The following PANK1 variants were observed in gnomAD, a reference collection of about 807,000 sequenced individuals.
PANK1 encodes pantothenate kinase 1.
A neutral mutation model predicts 40.1 loss-of-function variants in PANK1; 18 were observed. That is an observed-to-expected ratio of 0.45 (90% CI 0.31 to 0.67). The LOEUF is 0.67. Among genes scored for constraint, PANK1 ranks in the 30% least tolerant of loss-of-function variants. The pLI is 0.06. For synonymous variants in PANK1, 242 were observed against 237.7 expected (o/e 1.02, Z -0.17); for missense variants, 457 against 599.6 (o/e 0.76, Z 2.48).
chr10:89,636,632 T>C (rs1024572338), intron 1 of PANK1, among the ~76,000 whole-genome samples: 1 of 151,494 alleles, frequency 6.6e-6, no homozygotes, highest in Non-Finnish European at 1.5e-5. Flanking sequence ...TTTGTATTTT[T>C]AGTAGAGACG....
downstream of PANK1, chr10:89,582,264 G>T (rs1461805711): frequency 1.3e-5 from 2 of 152,118 alleles, no homozygotes; most frequent in Admixed American, 6.5e-5. Context: ...AAATTCTTTA[G>T]TCTTCCCAGT....
At chr10:89,590,386 T>C (rs1482909240) in intron 5 of PANK1, among the ~76,000 whole-genome samples, 2 of 151,344 alleles carry the variant, frequency 1.3e-5, no homozygotes, top group African/African-American at 2.5e-5. Context: ...ACCTATTACA[T>C]TGAAAAAAAT....
intron 1 of PANK1, chr10:89,643,886 T>C (rs1842034108): frequency 7.0e-7 from 1 of 1,424,954 alleles, no homozygotes; most frequent in Non-Finnish European, 9.2e-7. Flanking sequence ...AATAATGCAC[T>C]TCGGCTTTCT....
intron 1 of PANK1, among the ~76,000 whole-genome samples, chr10:89,641,908 A>C (rs1452641659): frequency 1.3e-5 from 2 of 152,220 alleles, no homozygotes; most frequent in Non-Finnish European, 2.9e-5. Context: ...CTGAAGGTAC[A>C]GGAAACAGCA....
At chr10:89,594,113 A>G in intron 3 of PANK1, 124 bp from the exon 4 acceptor site, 1 of 663,034 alleles carries the variant, frequency 1.5e-6, no homozygotes, top group South Asian at 1.9e-5. Flanking sequence ...CACTTGAATT[A>G]AAGTGCTAGG....
chr10:89,601,431 T>G lies in PANK1; in HGVS notation c.646-1926A>C, dbSNP rs953937157. On this transcript the variant is annotated intron_variant, in intron 2 of 6. Transcript: ENST00000307534. The stretch of plus-strand genomic sequence containing the variant: ...GGGAAGTCAAGGCTGCAGCGAGCCA[T>G]GGTCGTGTCACTGCACTCCAGCCTG... Among the ~76,000 whole-genome samples, 6 of 150,990 alleles carry G rather than the reference T, an allele frequency of 4.0e-5. No individual in the cohort carries two copies. In the South Asian group the frequency reaches 1.3e-3, roughly 32 times the overall value.
At chr10:89,634,231 G>A (rs895114417) in intron 1 of PANK1, among the ~76,000 whole-genome samples, 5 of 152,170 alleles carry the variant, frequency 3.3e-5, no homozygotes, top group Admixed American at 1.3e-4. Context: ...TGAAGTCAAC[G>A]AATCTATTGC....
intron 2 of PANK1, among the ~76,000 whole-genome samples, chr10:89,610,376 G>T (rs1845115589): frequency 1.3e-5 from 2 of 152,136 alleles, no homozygotes; most frequent in South Asian, 4.1e-4. Context: ...TTGATCATGA[G>T]CCTCTTTGGT....
In PANK1 at chr10:89,645,098, G is replaced by A. The variant is rs751152624; in HGVS notation, c.-207C>T. ...TCTGCGCCCTGCCCCCCGCGCGCCG[G>A]CCCCACGGCGCCGGCCTGGAGCACG... is the stretch of plus-strand genomic sequence containing the variant. On this transcript the variant is annotated 5_prime_UTR_variant, in exon 1 of 7. Transcript: ENST00000307534. 1 of 1,468,318 alleles carries A rather than the reference G, an allele frequency of 6.8e-7. No individual in the cohort carries two copies. Among genetic ancestry groups the A allele is most frequent in the Non-Finnish European group, 9.0e-7 (1 of 1,116,954 alleles). The allele number at this position is 1,468,318 out of a possible 1,614,324, so 91.0% of individuals were successfully genotyped here.
intron 2 of PANK1, among the ~76,000 whole-genome samples, chr10:89,606,030 T>G (rs928459224): frequency 6.6e-6 from 1 of 152,218 alleles, no homozygotes; most frequent in Non-Finnish European, 1.5e-5. Flanking sequence ...AAGATTTTTT[T>G]TTCTGAGCAG....
intron 1 of PANK1, among the ~76,000 whole-genome samples, chr10:89,627,576 G>T (rs977917767): frequency 6.6e-6 from 1 of 152,198 alleles, no homozygotes; most frequent in South Asian, 2.1e-4. Flanking sequence ...TAAACAGTCA[G>T]GATGCGGCAA....
intron 1 of PANK1, among the ~76,000 whole-genome samples, chr10:89,627,759 G>GGTAGCTCTATGTA (rs1841517787): frequency 1.3e-5 from 2 of 151,990 alleles, no homozygotes; most frequent in Admixed American, 6.6e-5. Flanking sequence ...CTCTATGTAG[G>GGTAGCTCTATGTA]GCACCCTCCT....
chr10:89,635,380 C>A (rs1841773357), intron 1 of PANK1, among the ~76,000 whole-genome samples: 1 of 152,132 alleles, frequency 6.6e-6, no homozygotes, highest in Non-Finnish European at 1.5e-5. Flanking sequence ...GGCAAAAGAG[C>A]ATGTGTGCAC....
rs767329672 is a variant in PANK1, at chr10:89,644,923, C to G, written c.-32G>C. 1.3e-6 allele frequency: 2 copies of G among 1,550,314 alleles called. No individual in the cohort carries two copies. The highest frequency in any genetic ancestry group is 1.9e-5 in the Admixed American group (1 of 51,792). ...GGCTGGCGGGGCTGTGCGCGGGCCC[C>G]GGCTCAGGCGGCCTCGCTGGAGGTC... On this transcript the variant is annotated 5_prime_UTR_variant, in exon 1 of 7. Coordinates refer to ENST00000307534, the MANE Select transcript of PANK1 (RefSeq NM_148977.3).
intron 6 of PANK1, among the ~76,000 whole-genome samples, chr10:89,588,040 G>A (rs909196704): frequency 6.6e-6 from 1 of 152,074 alleles, no homozygotes; most frequent in Non-Finnish European, 1.5e-5. Flanking sequence ...GAGTTTGATT[G>A]TTTTAGATTC....
chr10:89,581,446 T>C (rs1436709701), downstream of PANK1: 1 of 152,156 alleles, frequency 6.6e-6, no homozygotes, highest in African/African-American at 2.4e-5. Context: ...TTTGAGACAG[T>C]CTCACTCTGT....
rs1564621913 is a variant in PANK1 at position 89,599,452 on chromosome 10, G to A, written c.699C>T (p.Gly233=). 4 of 1,613,366 alleles carry A rather than the reference G, an allele frequency of 2.5e-6. No homozygotes were observed. The highest frequency in any genetic ancestry group is 1.1e-5 in the South Asian group (1 of 91,070). Reference sequence around the variant, plus strand: ...AGCCAACAGAGTCGACATAAAGCAGGCCCTGAATCAGACAGTCCAGTTCAT... The same window carrying A: ...AGCCAACAGAGTCGACATAAAGCAGACCCTGAATCAGACAGTCCAGTTCAT... ...KLDELDCLIQ[G]LLYVDSVGFN... The change falls in exon 3 of 7, where the codon GGC becomes GGT. Residue 233 remains glycine (G), a synonymous_variant. Coordinates refer to ENST00000307534, the MANE Select transcript of PANK1 (RefSeq NM_148977.3).
At chr10:89,599,680 G>C (rs905104717) in intron 2 of PANK1, among the ~76,000 whole-genome samples, 175 bp from the exon 3 acceptor site, 1 of 152,140 alleles carries the variant, frequency 6.6e-6, no homozygotes, top group Admixed American at 6.5e-5. Context: ...AGTAGCCTTG[G>C]CTAGATGTCA....
Position 89,584,345 on chromosome 10 carries a change from T to G in PANK1, c.*61A>C. On this transcript the variant is annotated 3_prime_UTR_variant, in exon 7 of 7. Transcript: ENST00000307534. ...CCGTCCCAAAGCGACTTTCACCTTC[T>G]CCAGCAGCAATTTTTTAGTTCTCTG... 9.0e-7 allele frequency: 1 copy of G among 1,110,402 alleles called. No homozygotes were observed. The highest frequency in any genetic ancestry group is 2.3e-5 in the East Asian group (1 of 42,646). 68.8% of individuals were successfully genotyped at this position (1,110,402 alleles called of 1,614,324 possible).
Sources: gnomAD v4.1 joint callset for allele counts (sites outside exome capture counted in the v4.1 genomes callset) on GRCh38, gnomAD v4.1.1 for gene constraint, MANE v1.5 for transcripts, NCBI Gene and HGNC (gene_info 2026-07-23, HGNC 2026-07-21) for gene names.